The following RBFOX1 variants were observed in gnomAD, a reference collection of about 807,000 sequenced individuals.
RBFOX1 encodes the protein RNA binding protein fox-1 homolog 1.
A neutral mutation model predicts 57.7 loss-of-function variants in RBFOX1; 8 were observed. The ratio of observed to expected loss-of-function variants is 0.14; its 90% CI spans 0.08 to 0.25. RBFOX1 has a LOEUF of 0.25. Ranked by LOEUF, RBFOX1 falls within the 10% of genes least tolerant of loss-of-function variation. The pLI, the probability that RBFOX1 is intolerant of heterozygous loss-of-function variation, is 1.00. For missense variants in RBFOX1, 611 were observed against 548.5 expected, an observed-to-expected ratio of 1.11 and a Z score of -1.14; for synonymous variants, 326 against 222.4, an observed-to-expected ratio of 1.47 and a Z score of -4.15.
chr16:5,707,884 T>G (rs76571706), intron 3 of RBFOX1, among the ~76,000 whole-genome samples: 6,785 of 152,292 alleles, frequency 0.045, 207 homozygotes, highest in Non-Finnish European at 0.066. Flanking sequence ...TGGGTTCAGT[T>G]TCCAGCTCTG....
intron 4 of RBFOX1, among the ~76,000 whole-genome samples, chr16:7,474,696 C>A (rs2062271808): frequency 6.6e-6 from 1 of 152,186 alleles, no homozygotes; most frequent in Admixed American, 6.5e-5. Flanking sequence ...TACGAATATG[C>A]TTTCCCTTTC....
At chr16:7,400,332 C>T (rs983407431) in intron 4 of RBFOX1, among the ~76,000 whole-genome samples, 15 of 152,152 alleles carry the variant, frequency 9.9e-5, no homozygotes, top group Admixed American at 2.0e-4. Context: ...ATTCTGCCCC[C>T]TCTCTCCTCC....
chr16:5,913,008 A>C (rs115108844), intron 4 of RBFOX1, among the ~76,000 whole-genome samples: 3 of 152,314 alleles, frequency 2.0e-5, no homozygotes, highest in African/African-American at 7.2e-5. Flanking sequence ...TCTTAGGGTC[A>C]GAAGACCCAA....
chr16:6,379,188 G>A (rs1423236803), intron 2 of RBFOX1, among the ~76,000 whole-genome samples: 1 of 152,046 alleles, frequency 6.6e-6, no homozygotes, highest in Non-Finnish European at 1.5e-5. Context: ...TGAGTTTTGG[G>A]CCCCTGTAGA....
intron 3 of RBFOX1, among the ~76,000 whole-genome samples, chr16:5,619,998 AAAG>A (rs1464423628): frequency 4.6e-5 from 7 of 151,324 alleles, no homozygotes; most frequent in South Asian, 2.1e-4. Context: ...AAAAAAAAAA[AAAG>A]AAAGAAAGAA....
intron 4 of RBFOX1, among the ~76,000 whole-genome samples, chr16:7,099,219 T>G (rs2062224852): frequency 6.6e-6 from 1 of 152,010 alleles, no homozygotes; most frequent in Non-Finnish European, 1.5e-5. Flanking sequence ...TCTGCATACG[T>G]GTGGATGTAG....
chr16:7,058,013 A>AAAAAC (rs1555829801), intron 4 of RBFOX1, among the ~76,000 whole-genome samples: 1 of 151,440 alleles, frequency 6.6e-6, no homozygotes, highest in Non-Finnish European at 1.5e-5. Context: ...GGGGAAAAAA[A>AAAAAC]AAAAAAAAAC....
chr16:6,864,507 T>A (rs895695382), intron 3 of RBFOX1, among the ~76,000 whole-genome samples: 1 of 150,764 alleles, frequency 6.6e-6, no homozygotes, highest in African/African-American at 2.4e-5. Context: ...AAAACGTTAA[T>A]TAAAAATTTA....
chr16:6,176,410 C>A (rs544181387), intron 1 of RBFOX1, among the ~76,000 whole-genome samples: 3 of 150,688 alleles, frequency 2.0e-5, no homozygotes, highest in African/African-American at 7.3e-5. Context: ...CCGCCCGCCT[C>A]AGCCTCCCAA....
At chr16:6,394,026 A>G (rs1387666007) in intron 2 of RBFOX1, among the ~76,000 whole-genome samples, 1 of 152,182 alleles carries the variant, frequency 6.6e-6, no homozygotes, top group Non-Finnish European at 1.5e-5. Flanking sequence ...ACTATACTAA[A>G]TTGTTACTCC....
Position 7,700,246 on chromosome 16 carries a change from C to T in RBFOX1, c.996-8810C>T, listed in dbSNP as rs146920030. Among the ~76,000 whole-genome samples, 704 of 152,276 alleles carry T rather than the reference C, an allele frequency of 4.6e-3. 5 individuals carry two copies. Among genetic ancestry groups the T allele is most frequent in the African/African-American group, 0.016 (678 of 41,554 alleles). ...GACGAGAGGCAATAGCTGCAGTCCT[C>T]TCAGTCTTAATAACTGTCACTTGTT... On this transcript the variant is annotated intron_variant, in intron 14 of 15. Coordinates refer to ENST00000550418, the MANE Select transcript of RBFOX1 (RefSeq NM_018723.4).
rs572603451 is a variant in RBFOX1, at chr16:7,043,448, G to A, written c.-15-8609G>A. On this transcript the variant is annotated intron_variant, in intron 3 of 15. Transcript: ENST00000550418. ...CAAATGTGTATCATAGTCCTGAAATGCATCAAGGAAAACGCAAACTCCAGG... is the reference window on the plus strand; with the variant it reads ...CAAATGTGTATCATAGTCCTGAAATACATCAAGGAAAACGCAAACTCCAGG... Among the ~76,000 whole-genome samples, 40 of 152,292 alleles carry A rather than the reference G, an allele frequency of 2.6e-4. 1 individual carries two copies. The South Asian group carries it at 8.1e-3, about 31-fold the overall frequency.
chr16:6,590,542 G>A (rs556494828), intron 2 of RBFOX1, among the ~76,000 whole-genome samples: 90 of 152,268 alleles, frequency 5.9e-4, no homozygotes, highest in African/African-American at 1.7e-3. Context: ...AGCCCCCTGC[G>A]ACTAGTTTGT....
At position 5,284,546 on chromosome 16, in the gene RBFOX1, T is replaced by C. The variant is rs574071259; in HGVS notation, c.219+44441T>C. On this transcript the variant is annotated intron_variant, in intron 1 of 2. Coordinates refer to the RBFOX1 transcript ENST00000585867. ...ATCTGGGAAATATTTTTTCTTTTTT[T>C]TTTTTTTTTTTAGGCAATGGAGTCT... 1.0e-4 allele frequency among the ~76,000 whole-genome samples: 15 copies of C among 150,686 alleles called. No individual in the cohort carries two copies. In the South Asian group the frequency reaches 1.3e-3, roughly 13 times the overall value.
intron 1 of RBFOX1, among the ~76,000 whole-genome samples, chr16:6,040,768 G>A (rs182026107): frequency 2.2e-4 from 33 of 152,046 alleles, no homozygotes; most frequent in Admixed American, 5.9e-4. Flanking sequence ...CAAATTTTTT[G>A]TATTTTCAGT....
At chr16:6,889,624 A>C (rs143104106) in intron 3 of RBFOX1, among the ~76,000 whole-genome samples, 35 of 152,294 alleles carry the variant, frequency 2.3e-4, no homozygotes, top group African/African-American at 8.2e-4. Context: ...GAAGAGTGCC[A>C]ATCCATATCC....
At chr16:5,676,085 G>A (rs1222268558) in intron 3 of RBFOX1, among the ~76,000 whole-genome samples, 1 of 152,116 alleles carries the variant, frequency 6.6e-6, no homozygotes, top group South Asian at 2.1e-4. Context: ...ACCAGGGCCT[G>A]CTGGGGCATT....
At position 7,217,294 on chromosome 16, in the gene RBFOX1, T is replaced by TC. The variant is rs199861553; in HGVS notation, c.27+165196_27+165197insC. ...TTATCTTTTTTTTTCTTATTCTTCT[T>TC]TTTTTTTTTTTTTTTTAGTAGAGAT... On this transcript the variant is annotated intron_variant, in intron 4 of 15. Coordinates refer to ENST00000550418, the MANE Select transcript of RBFOX1 (RefSeq NM_018723.4). Among the ~76,000 whole-genome samples the TC allele has an allele frequency of 5.5e-4, 76 of 137,622 alleles. 2 individuals carry two copies. Among genetic ancestry groups the TC allele is most frequent in the African/African-American group, 1.9e-3 (69 of 36,958 alleles). 90.3% of individuals were successfully genotyped at this position (137,622 alleles called of 152,430 possible). A position where few individuals can be genotyped will look rare whatever the true frequency, so the allele number is the denominator to read the frequency against.
chr16:6,842,014 G>T (rs558785913), intron 3 of RBFOX1, among the ~76,000 whole-genome samples: 23 of 151,868 alleles, frequency 1.5e-4, no homozygotes, highest in African/African-American at 5.5e-4. Flanking sequence ...GTGGTGGCGG[G>T]CGCCTGTAGT....
Sources: gnomAD v4.1 joint callset for allele counts (sites outside exome capture counted in the v4.1 genomes callset) on GRCh38, gnomAD v4.1.1 for gene constraint, MANE v1.5 for transcripts, NCBI Gene and HGNC (gene_info 2026-07-23, HGNC 2026-07-21) for gene names.